AFF3: variants seen among roughly 807,000 people sequenced by gnomAD.
AFF3 encodes AF4/FMR2 family member 3.
In AFF3, 32 loss-of-function variants were observed where a neutral mutation model predicts 129.7. The observed-to-expected ratio is 0.25, with a 90% CI of 0.19 to 0.33. The LOEUF is 0.33. Among genes scored for constraint, AFF3 ranks in the 10% least tolerant of loss-of-function variants. The pLI, the probability that AFF3 is intolerant of heterozygous loss-of-function variation, is 1.00. For missense variants in AFF3, 1,373 were observed against 1,592.0 expected (o/e 0.86, Z 2.34); for synonymous variants, 644 against 635.4 (o/e 1.01, Z -0.20).
intron 2 of AFF3, among the ~76,000 whole-genome samples, chr2:100,121,788 C>T (rs1055032117): frequency 2.6e-5 from 4 of 152,244 alleles, no homozygotes; most frequent in Admixed American, 1.3e-4. Context: ...TATGGCCGGG[C>T]GCGGTGGCTC....
chr2:100,107,731 A>C (rs1215871742), intron 2 of AFF3, among the ~76,000 whole-genome samples: 2 of 152,110 alleles, frequency 1.3e-5, no homozygotes. Context: ...GGGACTAACA[A>C]ATGAATCCTG....
intron 18 of AFF3, among the ~76,000 whole-genome samples, chr2:99,577,370 C>T (rs980715398): frequency 9.9e-5 from 15 of 152,200 alleles, no homozygotes; most frequent in African/African-American, 2.9e-4. Flanking sequence ...CCTTAGGAGA[C>T]GGCATTTAAT....
intron 8 of AFF3, among the ~76,000 whole-genome samples, chr2:99,812,333 C>A (rs371158046): frequency 6.6e-6 from 1 of 152,146 alleles, no homozygotes; most frequent in South Asian, 2.1e-4. Context: ...CTTCCGATAC[C>A]CTCTGACGAA....
intron 11 of AFF3, among the ~76,000 whole-genome samples, chr2:99,724,275 T>C (rs115679660): frequency 4.8e-4 from 55 of 115,668 alleles, no homozygotes; most frequent in African/African-American, 1.9e-3. Flanking sequence ...ACCTTTCTTT[T>C]TTTTTTTTTT....
chr2:100,014,485 G>A (rs1324704767), intron 4 of AFF3, among the ~76,000 whole-genome samples: 1 of 152,148 alleles, frequency 6.6e-6, no homozygotes, highest in Non-Finnish European at 1.5e-5. Flanking sequence ...GAGCCATCCT[G>A]CTGATGAGAA....
chr2:99,916,486 T>C (rs1695484674), intron 7 of AFF3, among the ~76,000 whole-genome samples: 1 of 152,118 alleles, frequency 6.6e-6, no homozygotes, highest in Admixed American at 6.6e-5. Flanking sequence ...ACAAGACATC[T>C]AATATACGGT....
At chr2:100,038,330 A>C (rs1381732762) in intron 4 of AFF3, among the ~76,000 whole-genome samples, 1 of 151,996 alleles carries the variant, frequency 6.6e-6, no homozygotes, top group Non-Finnish European at 1.5e-5. Context: ...TTGGGATTCC[A>C]GCCTTCCAGC....
At chr2:99,858,562 T>A (rs1022922500) in intron 7 of AFF3, among the ~76,000 whole-genome samples, 1 of 151,658 alleles carries the variant, frequency 6.6e-6, no homozygotes, top group African/African-American at 2.4e-5. Flanking sequence ...AGAAAAAAAA[T>A]GCAGCCACAA....
chr2:99,546,860 T>C lies in AFF3; in HGVS notation c.*4614A>G, dbSNP rs1355060422. ...AAGCAAAGCGGCATCCCAGGGCTAC[T>C]GGTTGAACAGGAACCCTGTGGCCAT... On this transcript the variant is annotated 3_prime_UTR_variant, in exon 25 of 25. Transcript: ENST00000672756. 4.6e-6 allele frequency: 1 copy of C among 218,976 alleles called. No homozygotes were observed. The highest frequency in any genetic ancestry group is 9.2e-6 in the Non-Finnish European group (1 of 109,282). The allele number at this position is 218,976 out of a possible 1,614,324, so 13.6% of individuals were successfully genotyped here.
At chr2:100,000,512 G>GCGCA (rs1553500830) in intron 7 of AFF3, among the ~76,000 whole-genome samples, 8 of 148,774 alleles carry the variant, frequency 5.4e-5, no homozygotes, top group Non-Finnish European at 1.0e-4. Flanking sequence ...TAGCACGCGC[G>GCGCA]CACACACACA....
At chr2:99,721,847 C>T (rs945305718) in intron 11 of AFF3, among the ~76,000 whole-genome samples, 1 of 152,082 alleles carries the variant, frequency 6.6e-6, no homozygotes, top group Non-Finnish European at 1.5e-5. Context: ...AGCTATTATT[C>T]CTTCAGATAT....
At chr2:99,618,285 G>C (rs1285081684) in intron 13 of AFF3, among the ~76,000 whole-genome samples, 1 of 137,236 alleles carries the variant, frequency 7.3e-6, no homozygotes, top group Admixed American at 8.0e-5. Context: ...ACCCAGGCTG[G>C]AGTACAGTGG....
intron 7 of AFF3, among the ~76,000 whole-genome samples, chr2:99,956,314 G>A (rs886148500): frequency 2.0e-5 from 3 of 152,126 alleles, no homozygotes; most frequent in Admixed American, 2.0e-4. Context: ...GCAAGCACTG[G>A]GGCCCTCCTT....
In AFF3 at chr2:99,593,602, C is replaced by A; in HGVS notation, c.2059G>T (p.Glu687Ter). Residue 687 changes from glutamate to a stop codon, truncating the protein, a stop_gained, in exon 15 of 25, where the codon GAG becomes TAG. Coordinates refer to ENST00000672756, the MANE Select transcript of AFF3 (RefSeq NM_001386135.1). LOFTEE classifies it high-confidence loss of function. ...GTCTGTGCTTTGGACAGAGGGTACTCCTCCTGCTCGGACTCCAGGTCGGAG... is the reference window on the plus strand; with the variant it reads ...GTCTGTGCTTTGGACAGAGGGTACTACTCCTGCTCGGACTCCAGGTCGGAG... ...SDSDLESEQE[E>*]YPLSKAQTVA... is the part of the protein sequence containing the mutation. 1 of 1,612,206 alleles carries A rather than the reference C, an allele frequency of 6.2e-7. No individual in the cohort carries two copies.
chr2:99,692,239 C>T (rs573830671), intron 11 of AFF3, among the ~76,000 whole-genome samples: 1 of 152,272 alleles, frequency 6.6e-6, no homozygotes, highest in Non-Finnish European at 1.5e-5. Context: ...AAGACTCAGT[C>T]CCAAGGCCCA....
Position 99,701,181 on chromosome 2 carries a change from G to A in AFF3, c.1091+25896C>T, listed in dbSNP as rs562349448. 3.9e-5 allele frequency among the ~76,000 whole-genome samples: 6 copies of A among 152,242 alleles called. No homozygotes were observed. The South Asian group carries it at 1.0e-3, about 26-fold the overall frequency. Reference sequence around the variant, plus strand: ...ACGTGGGTGTGTGCGCAAGGTGGCGGCAGGATAGACTGGTAACACTCACTC... The same window carrying A: ...ACGTGGGTGTGTGCGCAAGGTGGCGACAGGATAGACTGGTAACACTCACTC... On this transcript the variant is annotated intron_variant, in intron 11 of 24. Transcript: ENST00000672756.
At chr2:100,100,966 T>C (rs1246030927) in intron 4 of AFF3, among the ~76,000 whole-genome samples, 2 of 152,190 alleles carry the variant, frequency 1.3e-5, no homozygotes, top group East Asian at 3.8e-4. Context: ...AGCTACAGTG[T>C]TGGGTGCTGA....
intron 12 of AFF3, among the ~76,000 whole-genome samples, chr2:99,653,058 C>A (rs368997724): frequency 1.0e-3 from 158 of 152,272 alleles, no homozygotes; most frequent in African/African-American, 3.8e-3. Context: ...ATAAAACGCA[C>A]CCAGCAGGCA....
intron 1 of AFF3, among the ~76,000 whole-genome samples, chr2:100,137,784 G>A (rs1692695616): frequency 6.6e-6 from 1 of 152,142 alleles, no homozygotes; most frequent in Non-Finnish European, 1.5e-5. Flanking sequence ...TGCCTTGCAG[G>A]GGTGTTGTGG....
Sources: allele counts gnomAD v4.1 joint callset (sites outside exome capture counted in the v4.1 genomes callset), GRCh38; gene constraint gnomAD v4.1.1; transcripts MANE v1.5; gene names NCBI Gene and HGNC (gene_info 2026-07-23, HGNC 2026-07-21).